The following IMMP1L variants were observed in gnomAD, a reference collection of about 807,000 sequenced individuals.
IMMP1L encodes the protein inner mitochondrial membrane peptidase subunit 1.
IMMP1L carries 24 observed loss-of-function variants against 21.8 expected under a neutral mutation model. The ratio of observed to expected loss-of-function variants is 1.10; its 90% CI spans 0.80 to 1.55. IMMP1L has a LOEUF of 1.55. IMMP1L is among the 40% of genes most tolerant of loss of function. The pLI, the probability that IMMP1L is intolerant of heterozygous loss-of-function variation, is 0.00. For synonymous variants in IMMP1L, 46 were observed against 62.8 expected (o/e 0.73, Z 1.26); for missense variants, 195 against 200.7 (o/e 0.97, Z 0.17).
intron 1 of IMMP1L, among the ~76,000 whole-genome samples, chr11:31,475,783 A>C (rs1020603018): frequency 2.6e-5 from 4 of 152,180 alleles, no homozygotes; most frequent in African/African-American, 9.7e-5. Flanking sequence ...AGAAGATCTT[A>C]TGTTTTATGT....
chr11:31,454,367 A>G (rs1333875243), intron 4 of IMMP1L, among the ~76,000 whole-genome samples: 1 of 146,886 alleles, frequency 6.8e-6, no homozygotes, highest in Non-Finnish European at 1.5e-5. Context: ...TGGGAGGAGC[A>G]TCTGAGCCCT....
intron 4 of IMMP1L, among the ~76,000 whole-genome samples, chr11:31,455,798 T>C (rs1424462642): frequency 6.6e-6 from 1 of 152,124 alleles, no homozygotes; most frequent in Admixed American, 6.6e-5. Context: ...TAGATTGAGG[T>C]TGTAACTTTT....
At chr11:31,454,175 A>T (rs1953855833) in intron 4 of IMMP1L, among the ~76,000 whole-genome samples, 1 of 152,208 alleles carries the variant, frequency 6.6e-6, no homozygotes, top group Admixed American at 6.5e-5. Flanking sequence ...GTCCAACAAA[A>T]GTGAATGGAA....
intron 4 of IMMP1L, chr11:31,452,764 T>A (rs994021749): frequency 3.3e-5 from 33 of 1,009,606 alleles, no homozygotes; most frequent in Non-Finnish European, 3.4e-5. Context: ...TCTTTTCTTT[T>A]CTTGAGACGG....
At chr11:31,447,577 T>A (rs1953570965) in intron 4 of IMMP1L, among the ~76,000 whole-genome samples, 1 of 152,234 alleles carries the variant, frequency 6.6e-6, no homozygotes, top group Non-Finnish European at 1.5e-5. Flanking sequence ...TACTGCTTAG[T>A]CTCCTTTTCT....
At chr11:31,432,742 G>A (rs1172548274) in intron 5 of IMMP1L, among the ~76,000 whole-genome samples, 174 bp from the exon 6 acceptor site, 1 of 152,166 alleles carries the variant, frequency 6.6e-6, no homozygotes, top group Non-Finnish European at 1.5e-5. Flanking sequence ...ATAAACTTAT[G>A]TGTATATATG....
At chr11:31,437,607 G>T (rs368687140) in intron 4 of IMMP1L, among the ~76,000 whole-genome samples, 65 of 152,226 alleles carry the variant, frequency 4.3e-4, no homozygotes, top group African/African-American at 1.5e-3. Context: ...TTTTATAGAG[G>T]TATATTTTAT....
intron 1 of IMMP1L, among the ~76,000 whole-genome samples, chr11:31,465,187 C>T (rs1203717631): frequency 6.6e-6 from 1 of 151,820 alleles, no homozygotes; most frequent in Non-Finnish European, 1.5e-5. Flanking sequence ...AATAAAGCAA[C>T]CCCACCTAAA....
At chr11:31,507,275 G>A (rs926484018) in intron 1 of IMMP1L, among the ~76,000 whole-genome samples, 1 of 148,532 alleles carries the variant, frequency 6.7e-6, no homozygotes, top group Non-Finnish European at 1.5e-5. Context: ...CCTAGACTCC[G>A]TCTCAGAAAA....
chr11:31,492,916 G>A (rs1419125504), intron 1 of IMMP1L, among the ~76,000 whole-genome samples: 1 of 152,120 alleles, frequency 6.6e-6, no homozygotes, highest in Non-Finnish European at 1.5e-5. Flanking sequence ...ATAATGATAA[G>A]AAGGTTTGAA....
intron 1 of IMMP1L, among the ~76,000 whole-genome samples, chr11:31,484,647 G>A (rs984969226): frequency 6.6e-6 from 1 of 151,804 alleles, no homozygotes; most frequent in Non-Finnish European, 1.5e-5. Context: ...TTGGTACTGA[G>A]ATGAGGTAAA....
intron 4 of IMMP1L, among the ~76,000 whole-genome samples, chr11:31,453,952 C>A (rs1953849129): frequency 6.6e-6 from 1 of 152,162 alleles, no homozygotes; most frequent in East Asian, 1.9e-4. Flanking sequence ...GTGTTTCAAT[C>A]CTAATTCTTC....
intron 1 of IMMP1L, among the ~76,000 whole-genome samples, chr11:31,494,484 G>A (rs1955365826): frequency 6.6e-6 from 1 of 152,190 alleles, no homozygotes; most frequent in African/African-American, 2.4e-5. Flanking sequence ...GGCCTGTGAT[G>A]AAAGGGCTGC....
intron 4 of IMMP1L, among the ~76,000 whole-genome samples, chr11:31,441,257 G>A (rs1953317792): frequency 6.6e-6 from 1 of 151,262 alleles, no homozygotes; most frequent in African/African-American, 2.4e-5. Flanking sequence ...AAAAAAGGGA[G>A]CATCATCCTT....
intron 1 of IMMP1L, among the ~76,000 whole-genome samples, chr11:31,492,823 A>G (rs1047495639): frequency 6.6e-6 from 1 of 152,234 alleles, no homozygotes; most frequent in Non-Finnish European, 1.5e-5. Context: ...TAACATTCTT[A>G]CATGGGCACG....
intron 1 of IMMP1L, among the ~76,000 whole-genome samples, chr11:31,478,802 T>C (rs1018237597): frequency 4.6e-5 from 7 of 152,150 alleles, no homozygotes; most frequent in Non-Finnish European, 2.9e-5. Context: ...TTTATATAAA[T>C]TTCCTTGATC....
intron 3 of IMMP1L, among the ~76,000 whole-genome samples, chr11:31,460,101 G>A (rs1018279680): frequency 6.6e-6 from 1 of 152,018 alleles, no homozygotes; most frequent in African/African-American, 2.4e-5. Context: ...AGGCTGCAGG[G>A]AGCTGAGATC....
In IMMP1L at chr11:31,454,671, G is replaced by T. The variant is rs1246170870; in HGVS notation, c.321+1589C>A. 3.3e-5 allele frequency among the ~76,000 whole-genome samples: 5 copies of T among 152,016 alleles called. No individual in the cohort carries two copies. The East Asian group carries it at 9.6e-4, about 29-fold the overall frequency. On this transcript the variant is annotated intron_variant, in intron 4 of 5. Transcript: ENST00000532287. ...ACAAAATTCAATGAATATTTTCCTT[G>T]AATAGAACATTTAAAAAATTTACAT...
intron 4 of IMMP1L, among the ~76,000 whole-genome samples, chr11:31,440,422 G>A (rs147406243): frequency 3.1e-4 from 47 of 152,048 alleles, no homozygotes; most frequent in African/African-American, 9.4e-4. Flanking sequence ...ACAAAATGTC[G>A]CTCTCTCGCC....
Sources: gnomAD v4.1 joint callset for allele counts (sites outside exome capture counted in the v4.1 genomes callset) on GRCh38, gnomAD v4.1.1 for gene constraint, MANE v1.5 for transcripts, NCBI Gene and HGNC (gene_info 2026-07-23, HGNC 2026-07-21) for gene names.